CHST9: variants seen among roughly 807,000 people sequenced by gnomAD.
The protein encoded by CHST9 is carbohydrate sulfotransferase 9, also known as GalNAc-4-sulfotransferase 2.
In CHST9, 41 loss-of-function variants were observed where a neutral mutation model predicts 44.4. That is an observed-to-expected ratio of 0.92 (90% CI 0.72 to 1.20). The LOEUF (loss-of-function observed/expected upper bound fraction) is 1.20, where lower values mean the gene tolerates loss of function less well. Ranked by LOEUF, CHST9 falls within the 50% of genes most tolerant of loss-of-function variation. The pLI is 0.00. For missense variants in CHST9, 504 were observed against 516.5 expected (o/e 0.98, Z 0.23); for synonymous variants, 171 against 178.4 (o/e 0.96, Z 0.33).
At chr18:26,970,232 A>G (rs1249283109) in intron 4 of CHST9, among the ~76,000 whole-genome samples, 1 of 152,210 alleles carries the variant, frequency 6.6e-6, no homozygotes, top group Non-Finnish European at 1.5e-5. Flanking sequence ...TTTGAGCTGC[A>G]AATGGAAAGT....
chr18:27,155,825 A>G (rs1415303913), intron 1 of CHST9, among the ~76,000 whole-genome samples: 1 of 152,162 alleles, frequency 6.6e-6, no homozygotes. Flanking sequence ...GCATGATTAA[A>G]TGGACAAATA....
chr18:26,988,613 C>A (rs1209753975), intron 4 of CHST9, among the ~76,000 whole-genome samples: 1 of 152,098 alleles, frequency 6.6e-6, no homozygotes, highest in African/African-American at 2.4e-5. Flanking sequence ...GAACTCAATA[C>A]CTCTCTTCCA....
chr18:26,961,095 C>T (rs752640352), intron 4 of CHST9, among the ~76,000 whole-genome samples: 3 of 152,204 alleles, frequency 2.0e-5, no homozygotes, highest in Non-Finnish European at 4.4e-5. Context: ...CATACAGATA[C>T]TAACGTGCCT....
intron 4 of CHST9, among the ~76,000 whole-genome samples, chr18:27,009,063 CT>C (rs1286177880): frequency 2.0e-5 from 3 of 152,096 alleles, no homozygotes; most frequent in African/African-American, 4.8e-5. Flanking sequence ...GGTTTTTGCA[CT>C]GTATATCAAG....
chr18:27,002,580 T>C (rs1052143540), intron 4 of CHST9, among the ~76,000 whole-genome samples: 2 of 152,182 alleles, frequency 1.3e-5, no homozygotes, highest in Non-Finnish European at 2.9e-5. Context: ...AAATAGGCTT[T>C]GTGTTAGATG....
chr18:27,139,591 C>T (rs2058547952), intron 2 of CHST9, among the ~76,000 whole-genome samples: 1 of 152,006 alleles, frequency 6.6e-6, no homozygotes, highest in Non-Finnish European at 1.5e-5. Context: ...GGCAGAACTT[C>T]AGATGGAAGT....
chr18:26,919,375 T>C (rs2055603006), intron 5 of CHST9, among the ~76,000 whole-genome samples: 1 of 152,210 alleles, frequency 6.6e-6, no homozygotes, highest in Non-Finnish European at 1.5e-5. Flanking sequence ...TGATCAGTGA[T>C]TTGTAGTACA....
At chr18:26,945,032 G>A (rs989376622) in intron 4 of CHST9, among the ~76,000 whole-genome samples, 7 of 151,992 alleles carry the variant, frequency 4.6e-5, no homozygotes, top group Non-Finnish European at 7.4e-5. Context: ...AGTGATCAAC[G>A]TTATGTATGT....
At chr18:27,088,102 C>A (rs774064107) in intron 2 of CHST9, among the ~76,000 whole-genome samples, 4 of 152,108 alleles carry the variant, frequency 2.6e-5, no homozygotes, top group African/African-American at 7.2e-5. Context: ...ATTATCCCAA[C>A]ATTTTAGAAT....
chr18:27,077,138 A>C (rs1241249049), intron 2 of CHST9, among the ~76,000 whole-genome samples: 1 of 152,108 alleles, frequency 6.6e-6, no homozygotes, highest in Admixed American at 6.5e-5. Context: ...ACTTTGGAAC[A>C]ATTTTTGTTA....
At chr18:27,082,606 A>T (rs2057971345) in intron 2 of CHST9, among the ~76,000 whole-genome samples, 1 of 152,232 alleles carries the variant, frequency 6.6e-6, no homozygotes, top group African/African-American at 2.4e-5. Flanking sequence ...ACTGGGATTA[A>T]TTTATCAAAC....
At chr18:27,057,614 A>T in intron 2 of CHST9, among the ~76,000 whole-genome samples, 1 of 152,222 alleles carries the variant, frequency 6.6e-6, no homozygotes, top group Non-Finnish European at 1.5e-5. Flanking sequence ...CACAGCGAGT[A>T]CTGTGAGCTC....
At chr18:27,092,740 A>G (rs1387937394) in intron 2 of CHST9, among the ~76,000 whole-genome samples, 1 of 152,158 alleles carries the variant, frequency 6.6e-6, no homozygotes, top group African/African-American at 2.4e-5. Flanking sequence ...TTCAGTTTCC[A>G]TGTAGTTGAG....
At chr18:27,169,886 C>A (rs1006580564) in intron 1 of CHST9, among the ~76,000 whole-genome samples, 9 of 152,022 alleles carry the variant, frequency 5.9e-5, no homozygotes, top group Non-Finnish European at 1.3e-4. Flanking sequence ...GGATTACAGG[C>A]GTGAGCCACT....
At chr18:26,948,012 GACAGACAGGAT>G (rs2056190524) in intron 4 of CHST9, among the ~76,000 whole-genome samples, 1 of 152,132 alleles carries the variant, frequency 6.6e-6, no homozygotes, top group African/African-American at 2.4e-5. Context: ...GCCCATCAAT[GACAGACAGGAT>G]AAAGAAAATG....
At chr18:27,142,593 G>T in intron 2 of CHST9, 96 bp downstream of exon 2, 2 of 853,054 alleles carry the variant, frequency 2.3e-6, no homozygotes, top group South Asian at 3.9e-5. Context: ...TGAAAATATT[G>T]TGATTCTCAA....
intron 4 of CHST9, among the ~76,000 whole-genome samples, chr18:26,946,871 G>A (rs2056171363): frequency 6.6e-6 from 1 of 151,994 alleles, no homozygotes; most frequent in Non-Finnish European, 1.5e-5. Flanking sequence ...TGTTCTGTTG[G>A]TCTATATATC....
intron 3 of CHST9, among the ~76,000 whole-genome samples, chr18:27,030,747 A>G (rs148279413): frequency 7.0e-4 from 107 of 152,320 alleles, no homozygotes; most frequent in African/African-American, 2.4e-3. Flanking sequence ...CTCAAGAGGC[A>G]GCCTCTAAAG....
At chr18:27,106,492 T>G (rs544661953) in intron 2 of CHST9, among the ~76,000 whole-genome samples, 30 of 152,330 alleles carry the variant, frequency 2.0e-4, no homozygotes, top group Admixed American at 1.6e-3. Flanking sequence ...AGCTTCTTAT[T>G]CTCTCAGACT....
Sources: gnomAD v4.1 joint callset for allele counts (sites outside exome capture counted in the v4.1 genomes callset) on GRCh38, gnomAD v4.1.1 for gene constraint, MANE v1.5 for transcripts, NCBI Gene and HGNC (gene_info 2026-07-23, HGNC 2026-07-21) for gene names.